Variants in PITPNM3 observed in about 807,000 individuals in gnomAD.
The protein encoded by PITPNM3 is membrane-associated phosphatidylinositol transfer protein 3.
Under a neutral mutation model 102.0 loss-of-function variants are expected in PITPNM3, and 26 were observed. The observed-to-expected ratio is 0.25, with a 90% CI of 0.19 to 0.35. PITPNM3 has a LOEUF of 0.35. PITPNM3 is among the 10% of genes least tolerant of loss of function. PITPNM3 has a pLI of 1.00. For missense variants in PITPNM3, 1,083 were observed against 1,346.1 expected (o/e 0.80, Z 3.06); for synonymous variants, 578 against 558.6 (o/e 1.03, Z -0.49).
chr17:6,539,023 C>T lies in PITPNM3; in HGVS notation c.23-941G>A, dbSNP rs374200397. ...GGTCAGCCCAGGCCATCCAGGGACA[C>T]AGCCCTCCTGCCTGTCGTTCCTGCC... On this transcript the variant is annotated intron_variant, in intron 1 of 19. Coordinates refer to ENST00000262483, the MANE Select transcript of PITPNM3 (RefSeq NM_031220.4). Among the ~76,000 whole-genome samples, 4 of 152,210 alleles carry T rather than the reference C, an allele frequency of 2.6e-5. No individual in the cohort carries two copies. In the East Asian group the frequency reaches 5.8e-4, roughly 22 times the overall value.
Position 6,549,533 on chromosome 17 carries a change from A to T in PITPNM3, c.22+6852T>A, listed in dbSNP as rs541352851. On this transcript the variant is annotated intron_variant, in intron 1 of 19. Coordinates refer to ENST00000262483, the MANE Select transcript of PITPNM3 (RefSeq NM_031220.4). ...TGCCCCCTGTCTACCCTTGCCACACACGCACCCTGTGGGGGCTGGTGGCCA... is the reference window on the plus strand; with the variant it reads ...TGCCCCCTGTCTACCCTTGCCACACTCGCACCCTGTGGGGGCTGGTGGCCA... Among the ~76,000 whole-genome samples the T allele has an allele frequency of 2.6e-5, 4 of 152,152 alleles. No homozygotes were observed. The South Asian group carries it at 8.3e-4, about 32-fold the overall frequency.
At chr17:6,552,729 C>T (rs1267169841) in intron 1 of PITPNM3, among the ~76,000 whole-genome samples, 1 of 151,954 alleles carries the variant, frequency 6.6e-6, no homozygotes, top group African/African-American at 2.4e-5. Flanking sequence ...ACTACCCCCA[C>T]CTGGAAGCCG....
chr17:6,510,865 A>T (rs1312247432), intron 3 of PITPNM3, among the ~76,000 whole-genome samples: 1 of 152,228 alleles, frequency 6.6e-6, no homozygotes, highest in African/African-American at 2.4e-5. Context: ...CTAGAGATGA[A>T]GTCAGGGGAA....
At chr17:6,480,080 A>C (rs1905570568) in intron 6 of PITPNM3, 1 of 152,238 alleles carries the variant, frequency 6.6e-6, no homozygotes, top group Non-Finnish European at 1.5e-5. Flanking sequence ...CCACCAGTTC[A>C]GCAGTGAGCA....
intron 4 of PITPNM3, among the ~76,000 whole-genome samples, chr17:6,487,440 TGA>T (rs1906164193): frequency 6.6e-6 from 1 of 152,112 alleles, no homozygotes; most frequent in Non-Finnish European, 1.5e-5. Context: ...GGACCACAGC[TGA>T]CAAGATGGGC....
In PITPNM3 at chr17:6,468,114, C is replaced by T. The variant is rs1477491374; in HGVS notation, c.1890+111G>A. The stretch of plus-strand genomic sequence containing the variant: ...CCCCAGCCTGTTTGGGTGCTGAGCT[C>T]TGAGGACAAATTGAAGCGCTTACCT... On this transcript the variant is annotated intron_variant, in intron 14 of 19. Coordinates refer to ENST00000262483, the MANE Select transcript of PITPNM3 (RefSeq NM_031220.4). The surrounding 1 kb of genome is among the most constrained non-coding windows in gnomAD (Gnocchi z 5.2). 7 of 1,052,214 alleles carry T rather than the reference C, an allele frequency of 6.7e-6. No homozygotes were observed. Among genetic ancestry groups the T allele is most frequent in the Non-Finnish European group, 1.5e-6 (1 of 684,986 alleles). 65.2% of individuals were successfully genotyped at this position (1,052,214 alleles called of 1,614,324 possible).
chr17:6,542,755 AC>A (rs1181308589), intron 1 of PITPNM3, among the ~76,000 whole-genome samples: 1 of 152,196 alleles, frequency 6.6e-6, no homozygotes, highest in African/African-American at 2.4e-5. Context: ...GGGTAAGCCC[AC>A]CTGAGGGGCT....
At chr17:6,520,515 G>T (rs909496565) in intron 3 of PITPNM3, among the ~76,000 whole-genome samples, 1 of 152,204 alleles carries the variant, frequency 6.6e-6, no homozygotes, top group Admixed American at 6.5e-5. Context: ...GAGGGAAGAG[G>T]TAAGTTGCAG....
rs1880456246 is a variant in PITPNM3, at chr17:6,556,398, C to T, written c.9G>A (p.Lys3=). 2.2e-6 allele frequency: 3 copies of T among 1,361,278 alleles called. No homozygotes were observed. Among genetic ancestry groups the T allele is most frequent in the Admixed American group, 2.8e-5 (1 of 35,436 alleles). The allele number at this position is 1,361,278 out of a possible 1,614,324, so 84.3% of individuals were successfully genotyped here. The change falls in exon 1 of 20, where the codon AAG becomes AAA. Residue 3 remains lysine (K), a synonymous_variant. Transcript: ENST00000262483. This position sits in a 1 kb window ranked among gnomAD's most constrained non-coding sequence, Gnocchi z 5.2. ...GCCCGCCCTCACCTGCACGGCCCGC[C>T]TTGGCCATGTCCCGGGCGGCGGGCT... The part of the protein sequence containing the change: MA[K]AGRAGGPPPG...
In PITPNM3 at chr17:6,477,204, C is replaced by T. The variant is rs1567667772; in HGVS notation, c.910G>A (p.Val304Ile). Reference sequence around the variant, plus strand: ...AGGCTGCAATCTTCCTCCACCGCGACTGGGGTGTCCTTTGGGACCGAACAG... The same window carrying T: ...AGGCTGCAATCTTCCTCCACCGCGATTGGGGTGTCCTTTGGGACCGAACAG... ...GSISSTQDTP[V>I]AVEEDCSLAS... The change falls in exon 9 of 20, where the codon GTC (valine) becomes ATC (isoleucine). Residue 304 changes from valine (V) to isoleucine (I), a missense_variant. By Grantham distance (29) the Val-to-Ile change is conservative (BLOSUM62 3). Around this residue, in one of 5 missense-constraint regions of PITPNM3, gnomAD observed 172 missense variants for 175.6 expected, o/e 0.98. Coordinates refer to ENST00000262483, the MANE Select transcript of PITPNM3 (RefSeq NM_031220.4). 6.2e-7 allele frequency: 1 copy of T among 1,614,096 alleles called. No homozygotes were observed.
chr17:6,472,177 C>T lies in PITPNM3; in HGVS notation c.1429+480G>A, dbSNP rs952578328. ...CTCTTCGCCAAAACACCTGCCCTCG[C>T]TCCTGCTGTTCTCCCTGCCTGGAAG... On this transcript the variant is annotated intron_variant, in intron 11 of 19. Transcript: ENST00000262483. The surrounding 1 kb of genome is among the most constrained non-coding windows in gnomAD (Gnocchi z 4.1). Among the ~76,000 whole-genome samples, 1 of 152,216 alleles carries T rather than the reference C, an allele frequency of 6.6e-6. No individual in the cohort carries two copies. The highest frequency in any genetic ancestry group is 1.5e-5 in the Non-Finnish European group (1 of 68,046).
rs1041704033 is a variant in PITPNM3, at chr17:6,455,604, C to T, written c.2659G>A (p.Glu887Lys). ...TTTGGGCGTGAGCGGTGGCTGGCCTCCAGCGCGGCCAGGTGTGCGGCGTAG... is the reference window on the plus strand; with the variant it reads ...TTTGGGCGTGAGCGGTGGCTGGCCTTCAGCGCGGCCAGGTGTGCGGCGTAG... The part of the protein sequence containing the change: ...EGYAAHLAAL[E>K]ASHRSRPKKN... The change falls in exon 20 of 20, where the codon GAG becomes AAG. Residue 887 changes from glutamate (E) to lysine (K), a missense_variant. This residue lies in a region of PITPNM3 where 208 missense variants were observed against 178.2 expected (regional missense o/e 1.17). Transcript: ENST00000262483. 12 of 1,586,802 alleles carry T rather than the reference C, an allele frequency of 7.6e-6. No individual in the cohort carries two copies. In the South Asian group the frequency reaches 1.0e-4, roughly 13 times the overall value.
At position 6,469,776 on chromosome 17, in the gene PITPNM3, C is replaced by T. The variant is rs1200478159; in HGVS notation, c.1773+484G>A. Reference sequence around the variant, plus strand: ...TATTTCTTCCTTGCTCACAGCCCTGCAATGGCTTCCCGTTGAACCCAATAT... The same window carrying T: ...TATTTCTTCCTTGCTCACAGCCCTGTAATGGCTTCCCGTTGAACCCAATAT... On this transcript the variant is annotated intron_variant, in intron 13 of 19. Coordinates refer to ENST00000262483, the MANE Select transcript of PITPNM3 (RefSeq NM_031220.4). The surrounding 1 kb of genome is among the most constrained non-coding windows in gnomAD (Gnocchi z 4.0). Among the ~76,000 whole-genome samples, 4 of 152,208 alleles carry T rather than the reference C, an allele frequency of 2.6e-5. No individual in the cohort carries two copies. Among genetic ancestry groups the T allele is most frequent in the Admixed American group, 6.5e-5 (1 of 15,282 alleles).
chr17:6,551,248 T>G (rs1411570876), intron 1 of PITPNM3, among the ~76,000 whole-genome samples: 1 of 152,028 alleles, frequency 6.6e-6, no homozygotes, highest in African/African-American at 2.4e-5. Context: ...TCCCAGCTAC[T>G]CAGGAGGCTG....
At chr17:6,491,243 A>G (rs139075795) in intron 4 of PITPNM3, among the ~76,000 whole-genome samples, 156 of 151,748 alleles carry the variant, frequency 1.0e-3, no homozygotes, top group African/African-American at 3.6e-3. Context: ...AGGGAATGCC[A>G]AGGGCTTAGG....
At position 6,537,491 on chromosome 17, in the gene PITPNM3, G is replaced by GGCC. The variant is rs1246590676; in HGVS notation, c.118+493_118+495dup. On this transcript the variant is annotated intron_variant, in intron 2 of 19. Transcript: ENST00000262483. This position sits in a 1 kb window ranked among gnomAD's most constrained non-coding sequence, Gnocchi z 4.4. ...CATCTGTTAAGGGAATACACATGTT[G>GGCC]GCCAGGCTGGTCTCAAACTCCTGAC... Among the ~76,000 whole-genome samples the GGCC allele has an allele frequency of 3.9e-5, 6 of 152,044 alleles. No individual in the cohort carries two copies. Among genetic ancestry groups the GGCC allele is most frequent in the Admixed American group, 6.6e-5 (1 of 15,266 alleles).
Position 6,468,130 on chromosome 17 carries a change from G to A in PITPNM3, c.1890+95C>T, listed in dbSNP as rs544069064. On this transcript the variant is annotated intron_variant, in intron 14 of 19. Transcript: ENST00000262483. This position sits in a 1 kb window ranked among gnomAD's most constrained non-coding sequence, Gnocchi z 5.2. ...TGCTGAGCTCTGAGGACAAATTGAA[G>A]CGCTTACCTCCCATGTGGATGCCCC... is the stretch of plus-strand genomic sequence containing the variant. 8.3e-7 allele frequency: 1 copy of A among 1,202,844 alleles called. No individual in the cohort carries two copies. Among genetic ancestry groups the A allele is most frequent in the South Asian group, 1.2e-5 (1 of 82,144 alleles). The allele number at this position is 1,202,844 out of a possible 1,614,324, so 74.5% of individuals were successfully genotyped here.
intron 4 of PITPNM3, among the ~76,000 whole-genome samples, chr17:6,498,346 G>C (rs1906962939): frequency 1.3e-5 from 2 of 152,256 alleles, no homozygotes; most frequent in South Asian, 4.1e-4. Context: ...CCCAGAGCTA[G>C]CCTGGGGAAA....
intron 1 of PITPNM3, among the ~76,000 whole-genome samples, chr17:6,555,088 G>T (rs925390147): frequency 6.6e-6 from 1 of 152,160 alleles, no homozygotes; most frequent in African/African-American, 2.4e-5. Flanking sequence ...AAAGAGGGAG[G>T]CAAGAAGCCT....
Sources: allele counts gnomAD v4.1 joint callset (sites outside exome capture counted in the v4.1 genomes callset), GRCh38; gene constraint gnomAD v4.1.1; regional missense constraint gnomAD v4.1.1; non-coding constraint Gnocchi (gnomAD v3.1); transcripts MANE v1.5; gene names NCBI Gene and HGNC (gene_info 2026-07-23, HGNC 2026-07-21).